TMOD2: variants seen among roughly 807,000 people sequenced by gnomAD.
TMOD2 encodes the protein tropomodulin 2.
In TMOD2, 22 loss-of-function variants were observed where a neutral mutation model predicts 39.9. The observed-to-expected ratio is 0.55, with a 90% CI of 0.39 to 0.79. TMOD2 has a LOEUF of 0.79. Ranked by LOEUF, TMOD2 falls within the 30% of genes least tolerant of loss-of-function variation. The pLI, the probability that TMOD2 is intolerant of heterozygous loss-of-function variation, is 0.00. For missense variants in TMOD2, 386 were observed against 413.3 expected (o/e 0.93, Z 0.57); for synonymous variants, 123 against 146.1 (o/e 0.84, Z 1.14).
Position 51,814,275 on chromosome 15 carries a change from G to A in TMOD2, c.*5821G>A, listed in dbSNP as rs752688016. 1 of 152,270 alleles carries A rather than the reference G, an allele frequency of 6.6e-6. No individual in the cohort carries two copies. Among genetic ancestry groups the A allele is most frequent in the Non-Finnish European group, 1.5e-5 (1 of 68,086 alleles). The allele number at this position is 152,270 out of a possible 1,614,324, so 9.4% of individuals were successfully genotyped here. On this transcript the variant is annotated 3_prime_UTR_variant, in exon 10 of 10. Coordinates refer to ENST00000249700, the MANE Select transcript of TMOD2 (RefSeq NM_014548.4). ...GAGAAGAGTGTCCTTAGGGTTTCAA[G>A]AATTTTAATGCCTAGCAGCTGAGTA... is the stretch of plus-strand genomic sequence containing the variant.
At position 51,814,586 on chromosome 15, in the gene TMOD2, C is replaced by G. The variant is rs2056176862; in HGVS notation, c.*6132C>G. 2.0e-5 allele frequency: 3 copies of G among 152,318 alleles called. No homozygotes were observed. In the South Asian group the frequency reaches 6.2e-4, roughly 32 times the overall value. The allele number at this position is 152,318 out of a possible 1,614,324, so 9.4% of individuals were successfully genotyped here. A position where few individuals can be genotyped will look rare whatever the true frequency, so the allele number is the denominator to read the frequency against. The stretch of plus-strand genomic sequence containing the variant: ...TTGCTTGAATTTAGCTGTCGTCCAG[C>G]CCCACAGAGTTATGCTCCATTTGCC... On this transcript the variant is annotated 3_prime_UTR_variant, in exon 10 of 10. Transcript: ENST00000249700.
intron 7 of TMOD2, chr15:51,784,021 T>C (rs1235960711): frequency 6.6e-6 from 1 of 152,216 alleles, no homozygotes; most frequent in African/African-American, 2.4e-5. Flanking sequence ...TCTCATCCAT[T>C]TGTCACTGTA....
At chr15:51,754,798 T>C (rs1202067338) in intron 1 of TMOD2, among the ~76,000 whole-genome samples, 3 of 152,180 alleles carry the variant, frequency 2.0e-5, no homozygotes, top group Non-Finnish European at 4.4e-5. Context: ...TATGGGGATG[T>C]AAATGGGGTG....
chr15:51,766,290 G>C, intron 1 of TMOD2, 83 bp from the exon 2 acceptor site: 1 of 633,430 alleles, frequency 1.6e-6, no homozygotes, highest in Non-Finnish European at 2.6e-6. Flanking sequence ...AGGCTCCATT[G>C]GAGGCATACT....
chr15:51,784,313 G>A (rs2055954067), intron 7 of TMOD2: 2 of 152,232 alleles, frequency 1.3e-5, no homozygotes, highest in South Asian at 2.1e-4. Flanking sequence ...CCCTTGAATC[G>A]AGTTAGAAAA....
chr15:51,773,946 G>A, intron 4 of TMOD2, 112 bp downstream of exon 4: 3 of 1,218,372 alleles, frequency 2.5e-6, no homozygotes, highest in East Asian at 2.5e-5. Context: ...ATGACAGGTT[G>A]ACACAAGGCA....
chr15:51,765,046 A>T (rs1253829041), intron 1 of TMOD2, among the ~76,000 whole-genome samples: 1 of 151,832 alleles, frequency 6.6e-6, no homozygotes, highest in Non-Finnish European at 1.5e-5. Flanking sequence ...TCTGTCACCC[A>T]GGCTGGAGTG....
chr15:51,761,302 A>T (rs982943231), intron 1 of TMOD2, among the ~76,000 whole-genome samples: 1 of 152,222 alleles, frequency 6.6e-6, no homozygotes, highest in Non-Finnish European at 1.5e-5. Context: ...GGCTGGACTC[A>T]GAAAAAAAAG....
rs748598999 is a variant in TMOD2, at chr15:51,766,509, A to G, written c.68A>G (p.Lys23Arg). 3 of 1,614,116 alleles carry G rather than the reference A, an allele frequency of 1.9e-6. No individual in the cohort carries two copies. Among genetic ancestry groups the G allele is most frequent in the Non-Finnish European group, 8.5e-7 (1 of 1,179,954 alleles). Residue 23 changes from lysine (K) to arginine (R), a missense_variant, in exon 2 of 10, where the codon AAA becomes AGA. Physicochemically the swap from Lys to Arg is conservative, Grantham distance 26 (BLOSUM62 2). Transcript: ENST00000249700. Reference protein sequence around the residue: ...KNIDEDELLGKLSEEELKQLE... With the variant: ...KNIDEDELLGRLSEEELKQLE... The stretch of plus-strand genomic sequence containing the variant: ...ATTGATGAAGATGAGCTTCTTGGCA[A>G]ACTCTCAGAAGAGGAACTGAAACAG...
intron 8 of TMOD2, among the ~76,000 whole-genome samples, chr15:51,799,481 TC>T (rs879300472): frequency 1.1e-4 from 16 of 151,954 alleles, no homozygotes; most frequent in Non-Finnish European, 1.5e-5. Flanking sequence ...GTGCAGGCCC[TC>T]TGGCCCTGGA....
At chr15:51,793,142 C>T (rs1254855040) in intron 7 of TMOD2, among the ~76,000 whole-genome samples, 1 of 152,072 alleles carries the variant, frequency 6.6e-6, no homozygotes, top group East Asian at 1.9e-4. Context: ...TGCTCCTTGA[C>T]TTACAATGGG....
In TMOD2 at chr15:51,776,977, A is replaced by G. The variant is rs2055893600; in HGVS notation, c.452A>G (p.Glu151Gly). Residue 151 changes from glutamate to glycine, a missense_variant, in exon 5 of 10, where the codon GAA becomes GGA. By Grantham distance (98) the Glu-to-Gly change is moderately conservative. Coordinates refer to ENST00000249700, the MANE Select transcript of TMOD2 (RefSeq NM_014548.4). ...HNLLNNPKFDEETANNKGGKG... is the reference protein window; with the variant it reads ...HNLLNNPKFDGETANNKGGKG... ...TTGCTCAACAATCCAAAGTTCGATG[A>G]AGAAACAGCCAACAATAAAGGTGGC... The G allele has an allele frequency of 1.9e-6, 3 of 1,613,880 alleles. No individual in the cohort carries two copies. In the South Asian group the frequency reaches 3.3e-5, roughly 18 times the overall value.
intron 8 of TMOD2, 99 bp from the exon 9 acceptor site, chr15:51,806,278 C>T (rs1437308995): frequency 2.8e-5 from 39 of 1,404,932 alleles, no homozygotes; most frequent in Middle Eastern, 4.5e-4. Context: ...TGCCTCTTTG[C>T]CTTTTTGTCC....
chr15:51,801,235 TCTCACA>T lies in TMOD2; in HGVS notation c.876+2897_876+2902del, dbSNP rs58571819. On this transcript the variant is annotated intron_variant, in intron 8 of 9. Transcript: ENST00000249700. Reference sequence around the variant, plus strand: ...CTCTCTCCCTCTCTCTCTCTCTCTCTCTCACACACACACACACACACACACACACAC... The same window carrying T: ...CTCTCTCCCTCTCTCTCTCTCTCTCTCACACACACACACACACACACACAC... Among the ~76,000 whole-genome samples, 334 of 108,962 alleles carry T rather than the reference TCTCACA, an allele frequency of 3.1e-3. 2 individuals are homozygous for T. Among genetic ancestry groups the T allele is most frequent in the South Asian group, 0.023 (80 of 3,454 alleles). The allele number at this position is 108,962 out of a possible 152,430, so 71.5% of individuals were successfully genotyped here. A position where few individuals can be genotyped will look rare whatever the true frequency, so the allele number is the denominator to read the frequency against.
chr15:51,808,199 C>T (rs552109769), intron 9 of TMOD2, among the ~76,000 whole-genome samples: 177 of 152,192 alleles, frequency 1.2e-3, no homozygotes, highest in Non-Finnish European at 2.2e-3. Context: ...TTCTAACACT[C>T]GAGTACCCAA....
chr15:51,775,811 C>G (rs1001244719), intron 4 of TMOD2, among the ~76,000 whole-genome samples: 1 of 152,012 alleles, frequency 6.6e-6, no homozygotes, highest in African/African-American at 2.4e-5. Flanking sequence ...TTCTTGACCT[C>G]GTGATCCGCC....
intron 3 of TMOD2, among the ~76,000 whole-genome samples, chr15:51,770,423 C>CT (rs1024630710): frequency 2.0e-5 from 3 of 151,968 alleles, no homozygotes; most frequent in African/African-American, 7.2e-5. Flanking sequence ...GTGATAGGGT[C>CT]TTTTTTTTAT....
intron 1 of TMOD2, among the ~76,000 whole-genome samples, chr15:51,758,011 AC>A (rs1471102471): frequency 6.6e-6 from 1 of 152,072 alleles, no homozygotes; most frequent in African/African-American, 2.4e-5. Context: ...GCTCAGGAGT[AC>A]AAGGCTGCAG....
chr15:51,790,234 G>A (rs1021775188), intron 7 of TMOD2, among the ~76,000 whole-genome samples: 4 of 152,166 alleles, frequency 2.6e-5, no homozygotes, highest in African/African-American at 7.2e-5. Context: ...ACACCTCTAC[G>A]CAAATTAACT....
Sources: allele counts gnomAD v4.1 joint callset (sites outside exome capture counted in the v4.1 genomes callset), GRCh38; gene constraint gnomAD v4.1.1; transcripts MANE v1.5; gene names NCBI Gene and HGNC (gene_info 2026-07-23, HGNC 2026-07-21).